Variants in NPAS3 observed in about 807,000 individuals in gnomAD.
The protein encoded by NPAS3 is neuronal PAS domain protein 3, also known as neuronal PAS domain-containing protein 3.
Under a neutral mutation model 73.1 loss-of-function variants are expected in NPAS3, and 14 were observed. The ratio of observed to expected loss-of-function variants is 0.19; its 90% confidence interval spans 0.13 to 0.30. The LOEUF (loss-of-function observed/expected upper bound fraction) is 0.30, where lower values mean the gene tolerates loss of function less well. Ranked by LOEUF, NPAS3 falls within the 10% of genes least tolerant of loss-of-function variation. NPAS3 has a pLI of 1.00. For missense variants in NPAS3, 1,096 were observed against 1,250.0 expected (o/e 0.88, Z 1.86); for synonymous variants, 620 against 541.5 (o/e 1.14, Z -2.01).
intron 3 of NPAS3, among the ~76,000 whole-genome samples, chr14:33,216,451 A>T (rs1013127657): frequency 6.6e-6 from 1 of 152,198 alleles, no homozygotes; most frequent in Non-Finnish European, 1.5e-5. Context: ...ATTTTGTGCT[A>T]AGAGCTGTGA....
intron 4 of NPAS3, among the ~76,000 whole-genome samples, chr14:33,528,180 G>A (rs925688713): frequency 2.6e-5 from 4 of 151,810 alleles, no homozygotes; most frequent in African/African-American, 7.3e-5. Flanking sequence ...TGGAAGGAGG[G>A]GTGAAGAAGG....
intron 3 of NPAS3, among the ~76,000 whole-genome samples, chr14:33,233,703 G>A (rs568369227): frequency 6.6e-6 from 1 of 152,050 alleles, no homozygotes; most frequent in Non-Finnish European, 1.5e-5. Context: ...GGATTAATGG[G>A]AATTAGCAGT....
At position 33,666,897 on chromosome 14, in the gene NPAS3, T is replaced by A. The variant is rs1185491543; in HGVS notation, c.559-9314T>A. Among the ~76,000 whole-genome samples the A allele has an allele frequency of 3.3e-5, 5 of 152,220 alleles. No individual in the cohort carries two copies. The East Asian group carries it at 9.6e-4, about 29-fold the overall frequency. Reference sequence around the variant, plus strand: ...CTTTTACTATCTTATACCTCTTCCCTTTCATGTCATTTTCATGTTCTACTC... The same window carrying A: ...CTTTTACTATCTTATACCTCTTCCCATTCATGTCATTTTCATGTTCTACTC... On this transcript the variant is annotated intron_variant, in intron 5 of 11. Coordinates refer to ENST00000356141, the Ensembl canonical transcript of NPAS3.
chr14:33,789,715 A>C (rs2063296872), intron 9 of NPAS3, among the ~76,000 whole-genome samples: 1 of 145,586 alleles, frequency 6.9e-6, no homozygotes, highest in African/African-American at 2.5e-5. Context: ...CAGCCTCCCA[A>C]GTAGCTGGGA....
At chr14:33,188,961 T>A (rs2046075049) in intron 2 of NPAS3, among the ~76,000 whole-genome samples, 1 of 152,220 alleles carries the variant, frequency 6.6e-6, no homozygotes, top group Non-Finnish European at 1.5e-5. Flanking sequence ...AGACAGATTG[T>A]TCCTCAATAG....
intron 3 of NPAS3, among the ~76,000 whole-genome samples, chr14:33,311,227 C>T (rs1051075795): frequency 3.4e-4 from 51 of 152,006 alleles, no homozygotes; most frequent in African/African-American, 1.0e-3. Flanking sequence ...CTCAGTATTT[C>T]GAAATAATAA....
At chr14:33,546,027 C>G (rs989243682) in intron 4 of NPAS3, among the ~76,000 whole-genome samples, 2 of 152,208 alleles carry the variant, frequency 1.3e-5, no homozygotes, top group Non-Finnish European at 2.9e-5. Flanking sequence ...CAATCCTCTT[C>G]TTCTGGGGGC....
chr14:32,938,485 T>TAGAGAGAGAGAGAGAGAGAG (rs1491191135), upstream of NPAS3, among the ~76,000 whole-genome samples: 630 of 21,630 alleles, frequency 0.029, 70 homozygotes, highest in East Asian at 0.045. Flanking sequence ...GAGAGAGAAA[T>TAGAGAGAGAGAGAGAGAGAG]TGAGAGAGAG....
chr14:33,550,231 C>T (rs950007535), intron 4 of NPAS3, among the ~76,000 whole-genome samples: 1 of 152,146 alleles, frequency 6.6e-6, no homozygotes, highest in Non-Finnish European at 1.5e-5. Context: ...GTTGTTCAGG[C>T]TGGCCTCGAA....
At chr14:33,312,623 T>C (rs940991266) in intron 3 of NPAS3, among the ~76,000 whole-genome samples, 1 of 152,094 alleles carries the variant, frequency 6.6e-6, no homozygotes, top group African/African-American at 2.4e-5. Context: ...AGTATTATCT[T>C]TAATGCATAT....
At chr14:33,081,219 G>A (rs2041854165) in intron 2 of NPAS3, among the ~76,000 whole-genome samples, 2 of 152,098 alleles carry the variant, frequency 1.3e-5, no homozygotes. Flanking sequence ...ATTGCACCAA[G>A]GACTAGTGTT....
At chr14:33,381,973 G>C (rs1240568035) in intron 4 of NPAS3, among the ~76,000 whole-genome samples, 1 of 152,054 alleles carries the variant, frequency 6.6e-6, no homozygotes, top group African/African-American at 2.4e-5. Flanking sequence ...TGGAGACTTG[G>C]GGCAGCCTGC....
At chr14:33,703,740 T>C (rs2060584598) in intron 6 of NPAS3, among the ~76,000 whole-genome samples, 1 of 152,114 alleles carries the variant, frequency 6.6e-6, no homozygotes, top group Non-Finnish European at 1.5e-5. Context: ...CATATACATG[T>C]ATTATCTGGT....
downstream of NPAS3, chr14:33,801,158 G>C: frequency 6.5e-7 from 1 of 1,535,444 alleles, no homozygotes; most frequent in Non-Finnish European, 8.7e-7. Flanking sequence ...AGGAGGCATC[G>C]TCGGCATTTT....
In NPAS3 at chr14:33,560,813, T is replaced by C. The variant is rs527733001; in HGVS notation, c.558+603T>C. Reference sequence around the variant, plus strand: ...GAAAAGAAAAGAAAATGGAGGCTGATGGGCCAGGGACAAAAATCCTGGATG... The same window carrying C: ...GAAAAGAAAAGAAAATGGAGGCTGACGGGCCAGGGACAAAAATCCTGGATG... On this transcript the variant is annotated intron_variant, in intron 5 of 11. Transcript: ENST00000356141. Among the ~76,000 whole-genome samples, 226 of 152,294 alleles carry C rather than the reference T, an allele frequency of 1.5e-3. 1 individual carries two copies. Among genetic ancestry groups the C allele is most frequent in the Middle Eastern group, 3.4e-3 (1 of 294 alleles).
At chr14:33,332,628 C>G (rs1467349378) in intron 3 of NPAS3, among the ~76,000 whole-genome samples, 1 of 152,184 alleles carries the variant, frequency 6.6e-6, no homozygotes, top group Non-Finnish European at 1.5e-5. Flanking sequence ...TCAGGGTAGA[C>G]AGCTGTTTGG....
At chr14:33,456,242 G>T (rs989065392) in intron 4 of NPAS3, among the ~76,000 whole-genome samples, 2 of 152,202 alleles carry the variant, frequency 1.3e-5, no homozygotes, top group Non-Finnish European at 2.9e-5. Flanking sequence ...AATTTCCAGT[G>T]TGATGTCTAT....
At chr14:33,334,952 G>C (rs1236171355) in intron 3 of NPAS3, among the ~76,000 whole-genome samples, 1 of 151,866 alleles carries the variant, frequency 6.6e-6, no homozygotes, top group Non-Finnish European at 1.5e-5. Context: ...ACTTCACTTA[G>C]AATAACAGTC....
chr14:33,218,997 G>A (rs1189685809), intron 3 of NPAS3, among the ~76,000 whole-genome samples: 5 of 152,132 alleles, frequency 3.3e-5, no homozygotes, highest in Admixed American at 2.6e-4. Flanking sequence ...TTAAGCAATT[G>A]GAAGGTAACA....
Sources: gnomAD v4.1 joint callset for allele counts (sites outside exome capture counted in the v4.1 genomes callset) on GRCh38, gnomAD v4.1.1 for gene constraint, MANE v1.5 for transcripts, NCBI Gene and HGNC (gene_info 2026-07-23, HGNC 2026-07-21) for gene names.